Variants in TENM1 observed in about 807,000 individuals in gnomAD.
TENM1 encodes teneurin-1.
Under a neutral mutation model 174.8 loss-of-function variants are expected in TENM1, and 35 were observed. The ratio of observed to expected loss-of-function variants is 0.20; its 90% CI spans 0.15 to 0.27. The LOEUF (loss-of-function observed/expected upper bound fraction) is 0.27. TENM1 is among the 10% of genes least tolerant of loss of function. TENM1 has a pLI of 1.00. For missense variants in TENM1, 1,633 were observed against 2,130.1 expected, an observed-to-expected ratio of 0.77 and a Z score of 4.59; for synonymous variants, 781 against 798.7, an observed-to-expected ratio of 0.98 and a Z score of 0.37.
At chrX:124,902,071 G>T (rs2057673167) in intron 1 of TENM1, among the ~76,000 whole-genome samples, 1 of 111,500 alleles carries the variant, frequency 9.0e-6, no homozygotes, top group Non-Finnish European at 1.9e-5. Context: ...ACATTTTGGG[G>T]GCTAGTTTTC....
intron 15 of TENM1, among the ~76,000 whole-genome samples, chrX:124,545,014 G>A (rs1602633824): frequency 1.8e-5 from 2 of 112,020 alleles, no homozygotes; most frequent in East Asian, 5.6e-4. Context: ...GACTTATTTT[G>A]CCCAAAGATA....
chrX:124,970,964 G>T, the TENM1 span, among the ~76,000 whole-genome samples: 19 of 109,603 alleles, frequency 1.7e-4, no homozygotes, highest in Middle Eastern at 4.7e-3. Flanking sequence ...CCATAAAAAA[G>T]GATGAGTTCA....
chrX:124,950,948 G>A (rs1018563433), intron 1 of TENM1, among the ~76,000 whole-genome samples: 3 of 111,814 alleles, frequency 2.7e-5, no homozygotes, highest in Admixed American at 1.9e-4. Flanking sequence ...ACTTTCTCAA[G>A]ACACTCTTGT....
chrX:124,996,975 T>C, the TENM1 span, among the ~76,000 whole-genome samples: 1 of 110,732 alleles, frequency 9.0e-6, no homozygotes, highest in Admixed American at 9.6e-5. Flanking sequence ...AAAGAAAGGG[T>C]GAGATTTCAG....
chrX:124,965,245 T>A (rs186336386), upstream of TENM1, among the ~76,000 whole-genome samples: 3,078 of 110,510 alleles, frequency 0.028, 104 homozygotes, highest in African/African-American at 0.096. Flanking sequence ...GCCCGGCTAA[T>A]TTTTTTTGTA....
Position 124,405,284 on chromosome X carries a change from A to G in TENM1, c.5156-18T>C. The G allele has an allele frequency of 5.2e-6, 6 of 1,152,219 alleles. No homozygotes were observed. The highest frequency in any genetic ancestry group is 7.1e-6 in the Non-Finnish European group (6 of 845,161). 95.0% of individuals were successfully genotyped at this position (1,152,219 alleles called of 1,213,427 possible). A position where few individuals can be genotyped will look rare whatever the true frequency, so the allele number is the denominator to read the frequency against. ...AGTATTTTCTGTAGACAGAAGAGCA[A>G]AGGAGGAAGAGGGGGAAGGAAGGGA... On this transcript the variant is annotated intron_variant, in intron 26 of 31. Coordinates refer to ENST00000422452, the Ensembl canonical transcript of TENM1.
intron 3 of TENM1, among the ~76,000 whole-genome samples, chrX:124,874,917 C>T (rs1222375921): frequency 1.8e-5 from 2 of 111,514 alleles, no homozygotes; most frequent in Non-Finnish European, 3.8e-5. Flanking sequence ...TAGCACCCCG[C>T]TAATTTATTT....
chrX:124,756,221 T>C (rs1481498828), intron 3 of TENM1, among the ~76,000 whole-genome samples: 1 of 103,087 alleles, frequency 9.7e-6, no homozygotes, highest in Non-Finnish European at 1.9e-5. Flanking sequence ...ACTTCCCTTC[T>C]CGCTTCATTT....
At chrX:124,925,774 C>T (rs2058084827) in intron 1 of TENM1, among the ~76,000 whole-genome samples, 1 of 111,917 alleles carries the variant, frequency 8.9e-6, no homozygotes, top group African/African-American at 3.2e-5. Context: ...TGTATTTGTT[C>T]TAGTGGGTCA....
chrX:124,900,938 C>A (rs1220930123), intron 1 of TENM1, among the ~76,000 whole-genome samples: 1 of 109,621 alleles, frequency 9.1e-6, no homozygotes. Context: ...ATTACAGGTG[C>A]CTGCCACCAT....
At chrX:124,923,178 ATACAGT>A (rs1267151085) in intron 1 of TENM1, among the ~76,000 whole-genome samples, 1 of 111,721 alleles carries the variant, frequency 9.0e-6, no homozygotes, top group Non-Finnish European at 1.9e-5. Flanking sequence ...ATATCATTCC[ATACAGT>A]TACATCTAAT....
rs182181852 is a variant in TENM1, at chrX:124,667,523, G to T, written c.1168+4160C>A. On this transcript the variant is annotated intron_variant, in intron 6 of 31. Coordinates refer to ENST00000422452, the Ensembl canonical transcript of TENM1. ...GAGAATCACTTGAACCTGGGAGGCGGAGGTTGCAGTGAGCCGAGATTGCAC... is the reference window on the plus strand; with the variant it reads ...GAGAATCACTTGAACCTGGGAGGCGTAGGTTGCAGTGAGCCGAGATTGCAC... Among the ~76,000 whole-genome samples, 821 of 107,536 alleles carry T rather than the reference G, an allele frequency of 7.6e-3. 10 individuals carry two copies. Among genetic ancestry groups the T allele is most frequent in the African/African-American group, 0.026 (763 of 29,343 alleles). 93.4% of individuals were successfully genotyped at this position (107,536 alleles called of 115,157 possible).
exon 10 of TENM1, chrX:124,645,274 T>C (rs1451524277): frequency 6.6e-6 from 8 of 1,211,737 alleles, no homozygotes; most frequent in African/African-American, 1.7e-5. Flanking sequence ...CTTCCAGCCA[T>C]GCCGGCAGAC....
intron 1 of TENM1, among the ~76,000 whole-genome samples, chrX:124,963,082 G>A (rs1178345576): frequency 4.5e-5 from 5 of 111,677 alleles, no homozygotes; most frequent in Admixed American, 9.5e-5. Context: ...TTTCAGACTC[G>A]GCTACACAAT....
At chrX:125,029,214 C>T in the TENM1 span, among the ~76,000 whole-genome samples, 1 of 107,271 alleles carries the variant, frequency 9.3e-6, no homozygotes, top group Non-Finnish European at 1.9e-5. Flanking sequence ...TGAAGTCTTA[C>T]TTATATCCTG....
At chrX:124,944,452 A>G (rs1267640052) in intron 1 of TENM1, among the ~76,000 whole-genome samples, 1 of 108,212 alleles carries the variant, frequency 9.2e-6, no homozygotes, top group African/African-American at 3.6e-5. Context: ...AAAATAGGGC[A>G]ATATCATCTA....
the TENM1 span, among the ~76,000 whole-genome samples, chrX:125,112,795 T>C: frequency 9.0e-6 from 1 of 111,437 alleles, no homozygotes; most frequent in African/African-American, 3.3e-5. Flanking sequence ...GAAAATATCA[T>C]TGAGAAAAAT....
intron 22 of TENM1, among the ~76,000 whole-genome samples, chrX:124,460,191 A>G (rs768527454): frequency 3.6e-5 from 4 of 111,705 alleles, no homozygotes; most frequent in African/African-American, 9.8e-5. Context: ...AGACCTAAAG[A>G]CAGAAATACC....
chrX:124,521,199 A>G (rs2047841240), intron 17 of TENM1, among the ~76,000 whole-genome samples: 1 of 111,849 alleles, frequency 8.9e-6, no homozygotes, highest in Non-Finnish European at 1.9e-5. Context: ...GTTTGGTGTT[A>G]AGTCATATAT....
Sources: allele counts gnomAD v4.1 joint callset (sites outside exome capture counted in the v4.1 genomes callset), GRCh38; gene constraint gnomAD v4.1.1; transcripts MANE v1.5; gene names NCBI Gene and HGNC (gene_info 2026-07-23, HGNC 2026-07-21).